Variants in MYPN observed in about 807,000 individuals in gnomAD.
MYPN encodes the protein myopalladin, also known as sarcomeric protein myopalladin, 145 kDa (MYOP).
A neutral mutation model predicts 129.4 loss-of-function variants in MYPN; 63 were observed. That is an observed-to-expected ratio of 0.49 (90% confidence interval 0.40 to 0.60). MYPN has a LOEUF of 0.60. MYPN is among the 20% of genes least tolerant of loss of function. MYPN has a pLI of 0.00. For synonymous variants in MYPN, 629 were observed against 600.9 expected (o/e 1.05, Z -0.68); for missense variants, 1,596 against 1,635.4 (o/e 0.98, Z 0.42).
intron 2 of MYPN, among the ~76,000 whole-genome samples, chr10:68,130,048 A>AT: frequency 1.3e-5 from 2 of 152,238 alleles, no homozygotes; most frequent in Admixed American, 1.3e-4. Context: ...TGAGGTTGAA[A>AT]TTTTTTTGTT....
chr10:68,161,929 G>A lies in MYPN; in HGVS notation c.1483+177G>A, dbSNP rs537113658. ...TGTAATTCCAGCACTTTGCGAGGCC[G>A]AGGCGGGCGGATTACTTGAGATCAG... On this transcript the variant is annotated intron_variant, in intron 8 of 19. Transcript: ENST00000358913. 147 of 493,346 alleles carry A rather than the reference G, an allele frequency of 3.0e-4. 2 individuals carry two copies. The highest frequency in any genetic ancestry group is 1.9e-3 in the African/African-American group (98 of 50,844). 30.6% of individuals were successfully genotyped at this position (493,346 alleles called of 1,614,324 possible).
chr10:68,100,640 C>T (rs576428577), intron 1 of MYPN, among the ~76,000 whole-genome samples: 3 of 152,200 alleles, frequency 2.0e-5, no homozygotes, highest in South Asian at 2.1e-4. Flanking sequence ...TAGTAGTAAG[C>T]CGGTTTAGAA....
intron 10 of MYPN, among the ~76,000 whole-genome samples, chr10:68,169,966 C>T (rs889004791): frequency 1.3e-5 from 2 of 152,158 alleles, no homozygotes; most frequent in Non-Finnish European, 2.9e-5. Flanking sequence ...TCTCAAATGC[C>T]TGACCCTGTG....
chr10:68,140,774 TAG>T (rs2042563902), intron 2 of MYPN, among the ~76,000 whole-genome samples: 1 of 152,300 alleles, frequency 6.6e-6, no homozygotes, highest in South Asian at 2.1e-4. Context: ...CAGTGTGCTT[TAG>T]AATCTTGCCT....
At chr10:68,115,205 G>A (rs897382486) in intron 1 of MYPN, among the ~76,000 whole-genome samples, 2 of 149,332 alleles carry the variant, frequency 1.3e-5, no homozygotes, top group African/African-American at 5.0e-5. Context: ...GTTGCAGTGA[G>A]CGGAAATTGC....
At chr10:68,115,872 A>G (rs2042150059) in intron 1 of MYPN, among the ~76,000 whole-genome samples, 1 of 152,124 alleles carries the variant, frequency 6.6e-6, no homozygotes, top group South Asian at 2.1e-4. Flanking sequence ...TCAGGCTTTG[A>G]TGCTTACTTC....
intron 1 of MYPN, among the ~76,000 whole-genome samples, chr10:68,095,751 G>T (rs533520915): frequency 1.5e-5 from 2 of 132,584 alleles, no homozygotes; most frequent in Non-Finnish European, 3.1e-5. Context: ...GTTGCCAGCA[G>T]TTGGGGGAAG....
chr10:68,089,268 G>A (rs572988008), intron 1 of MYPN, among the ~76,000 whole-genome samples: 47 of 152,246 alleles, frequency 3.1e-4, no homozygotes, highest in Non-Finnish European at 6.3e-4. Flanking sequence ...CTGGCCTCAA[G>A]TGATCCACCC....
At position 68,211,717 on chromosome 10, in the gene MYPN, T is replaced by C. The variant is rs2043919551; in HGVS notation, c.*1262T>C. ...TGGTTGAATGAATCTTCTGTTATTA[T>C]GTCTATTATAAGATAACCTAATCTT... is the stretch of plus-strand genomic sequence containing the variant. On this transcript the variant is annotated 3_prime_UTR_variant, in exon 20 of 20. Coordinates refer to ENST00000358913, the MANE Select transcript of MYPN (RefSeq NM_032578.4). 1 of 454,150 alleles carries C rather than the reference T, an allele frequency of 2.2e-6. No homozygotes were observed. Among genetic ancestry groups the C allele is most frequent in the Non-Finnish European group, 4.4e-6 (1 of 226,790 alleles). 28.1% of individuals were successfully genotyped at this position (454,150 alleles called of 1,614,324 possible). A position where few individuals can be genotyped will look rare whatever the true frequency, so the allele number is the denominator to read the frequency against.
intron 2 of MYPN, chr10:68,135,491 A>T: frequency 1.0e-6 from 1 of 984,972 alleles, no homozygotes; most frequent in Non-Finnish European, 1.2e-6. Flanking sequence ...AGTTACTCTG[A>T]TGCTTGGAGA....
intron 3 of MYPN, among the ~76,000 whole-genome samples, 186 bp downstream of exon 3, chr10:68,143,301 C>T (rs2042606633): frequency 6.6e-6 from 1 of 150,616 alleles, no homozygotes; most frequent in Non-Finnish European, 1.5e-5. Context: ...ATGGGAAAGA[C>T]AGAAAATAAA....
intron 6 of MYPN, among the ~76,000 whole-genome samples, chr10:68,153,604 T>C (rs778827213): frequency 3.3e-5 from 5 of 152,126 alleles, no homozygotes; most frequent in African/African-American, 4.8e-5. Flanking sequence ...TGTTCAGGCA[T>C]TGGGCACTAG....
rs1199772660 is a variant in MYPN at position 68,210,679 on chromosome 10, T to A, written c.*224T>A. The A allele has an allele frequency of 6.1e-6, 4 of 650,904 alleles. No individual in the cohort carries two copies. Among genetic ancestry groups the A allele is most frequent in the Non-Finnish European group, 1.1e-5 (4 of 353,954 alleles). 40.3% of individuals were successfully genotyped at this position (650,904 alleles called of 1,614,324 possible). The stretch of plus-strand genomic sequence containing the variant: ...AGATTCCAACAGAGATGTGAGAAGA[T>A]AATACAGATGAACCAAAGATGTCAC... On this transcript the variant is annotated 3_prime_UTR_variant, in exon 20 of 20. Transcript: ENST00000358913.
intron 2 of MYPN, among the ~76,000 whole-genome samples, chr10:68,137,937 ATATGCAACAGATTTT>A (rs989121996): frequency 1.3e-5 from 2 of 152,192 alleles, no homozygotes; most frequent in Non-Finnish European, 2.9e-5. Context: ...GTGTTCTTCC[ATATGCAACAGATTTT>A]TATGCTATTA....
intron 13 of MYPN, among the ~76,000 whole-genome samples, chr10:68,189,406 C>T (rs2043474735): frequency 6.6e-6 from 1 of 152,108 alleles, no homozygotes; most frequent in African/African-American, 2.4e-5. Context: ...TTGAAATATA[C>T]AAGTTATTAT....
intron 4 of MYPN, among the ~76,000 whole-genome samples, chr10:68,146,626 G>T (rs917754064): frequency 3.9e-5 from 6 of 152,166 alleles, no homozygotes; most frequent in Admixed American, 2.6e-4. Flanking sequence ...TCTGGATTTG[G>T]TGGGTAAAAT....
At chr10:68,134,918 C>T (rs1329824604) in intron 2 of MYPN, among the ~76,000 whole-genome samples, 1 of 151,866 alleles carries the variant, frequency 6.6e-6, no homozygotes, top group Non-Finnish European at 1.5e-5. Context: ...GAAGTTTCTG[C>T]CTGGAAGAAC....
chr10:68,116,723 C>T (rs1001908646), intron 1 of MYPN, among the ~76,000 whole-genome samples: 30 of 150,366 alleles, frequency 2.0e-4, no homozygotes, highest in Non-Finnish European at 7.4e-5. Context: ...GCTATAAGAG[C>T]GAGAGTCTAT....
intron 1 of MYPN, among the ~76,000 whole-genome samples, chr10:68,090,426 A>C (rs536228676): frequency 2.6e-5 from 4 of 152,116 alleles, no homozygotes; most frequent in Non-Finnish European, 5.9e-5. Flanking sequence ...CGGCCTCCCA[A>C]AGTGCTAGGA....
Sources: allele counts gnomAD v4.1 joint callset (sites outside exome capture counted in the v4.1 genomes callset), GRCh38; gene constraint gnomAD v4.1.1; transcripts MANE v1.5; gene names NCBI Gene and HGNC (gene_info 2026-07-23, HGNC 2026-07-21).